Variants in SCMH1 observed in about 807,000 individuals in gnomAD.
The protein encoded by SCMH1 is polycomb protein SCMH1.
SCMH1 carries 37 observed loss-of-function variants against 70.8 expected under a neutral mutation model. That is an observed-to-expected ratio of 0.52 (90% CI 0.40 to 0.69). The LOEUF (loss-of-function observed/expected upper bound fraction) is 0.69. Among genes scored for constraint, SCMH1 ranks in the 30% least tolerant of loss-of-function variants. The probability of loss-of-function intolerance (pLI) is 0.00; values close to 1 mark genes in which losing one functional copy is unlikely to be tolerated. For synonymous variants in SCMH1, 292 were observed against 307.4 expected, an observed-to-expected ratio of 0.95 and a Z score of 0.52; for missense variants, 607 against 827.3, an observed-to-expected ratio of 0.73 and a Z score of 3.27.
At chr1:41,043,046 G>A (rs987591035) in intron 12 of SCMH1, 2 of 152,088 alleles carry the variant, frequency 1.3e-5, no homozygotes, top group Admixed American at 1.3e-4. Flanking sequence ...TGACAACTAG[G>A]GGAAATTCTA....
chr1:41,030,310 A>C (rs1217826315), intron 13 of SCMH1, among the ~76,000 whole-genome samples: 1 of 152,154 alleles, frequency 6.6e-6, no homozygotes, highest in East Asian at 1.9e-4. Context: ...TATGAAATGA[A>C]ATCTGAACTC....
chr1:41,111,876 T>C lies in SCMH1; in HGVS notation c.745+1407A>G, dbSNP rs374550120. ...ATTCTTCCTAAACAAGTTTCCCCTC[T>C]ACAAAGAACTTTTGTGAATGATAAA... On this transcript the variant is annotated intron_variant, in intron 8 of 14. Transcript: ENST00000337495. Among the ~76,000 whole-genome samples, 16 of 152,328 alleles carry C rather than the reference T, an allele frequency of 1.1e-4. No individual in the cohort carries two copies. The East Asian group carries it at 2.3e-3, about 22-fold the overall frequency.
chr1:41,100,308 A>G (rs775845841), intron 8 of SCMH1, among the ~76,000 whole-genome samples: 7 of 152,030 alleles, frequency 4.6e-5, no homozygotes, highest in Non-Finnish European at 8.8e-5. Flanking sequence ...TCTCGTCTCT[A>G]ACAACAACAA....
At chr1:41,156,067 A>G (rs917969706) in intron 4 of SCMH1, among the ~76,000 whole-genome samples, 2 of 151,182 alleles carry the variant, frequency 1.3e-5, no homozygotes, top group Non-Finnish European at 2.9e-5. Flanking sequence ...TGGGACACTC[A>G]TTATTTAGCT....
chr1:41,070,618 C>CCCCA lies in SCMH1; in HGVS notation c.1081_1082insTGGG (p.Ser361MetfsTer26). On this transcript the variant is annotated frameshift_variant, in exon 10 of 15. Coordinates refer to ENST00000337495, the Ensembl canonical transcript of SCMH1. LOFTEE classifies it high-confidence loss of function. Reference sequence around the variant, plus strand: ...ACCTGTTGGGGCCTGCATGGCTGAGCTGGGGATGGTGGCAGCATCCTGGGG... The same window carrying CCCCA: ...ACCTGTTGGGGCCTGCATGGCTGAGCCCCATGGGGATGGTGGCAGCATCCTGGGG... 4 of 1,614,056 alleles carry CCCCA rather than the reference C, an allele frequency of 2.5e-6. No homozygotes were observed. Among genetic ancestry groups the CCCCA allele is most frequent in the Non-Finnish European group, 3.4e-6 (4 of 1,179,980 alleles).
At chr1:41,165,864 GC>G (rs1646379074) in intron 2 of SCMH1, among the ~76,000 whole-genome samples, 2 of 151,878 alleles carry the variant, frequency 1.3e-5, no homozygotes, top group South Asian at 4.1e-4. Flanking sequence ...CCTTTTCTAT[GC>G]AGTAGCTTTT....
At chr1:41,169,827 C>A (rs1234030776) in intron 2 of SCMH1, among the ~76,000 whole-genome samples, 1 of 152,150 alleles carries the variant, frequency 6.6e-6, no homozygotes, top group Non-Finnish European at 1.5e-5. Context: ...TGCTTTTTTC[C>A]TGCAGAGGTC....
chr1:41,235,330 T>C (rs189801709), intron 1 of SCMH1, among the ~76,000 whole-genome samples: 11 of 151,826 alleles, frequency 7.2e-5, no homozygotes, highest in Admixed American at 6.6e-4. Context: ...AATATACATA[T>C]ATTTGGGAGG....
Position 41,161,349 on chromosome 1 carries a change from T to G in SCMH1, c.82+15A>C, listed in dbSNP as rs763305467. ...TAAAATTTTTCCACACCAAACGGAG[T>G]TTTTTCCCCCTTACCTTGATATTGG... On this transcript the variant is annotated intron_variant, in intron 3 of 14. Transcript: ENST00000337495. 1 of 1,546,384 alleles carries G rather than the reference T, an allele frequency of 6.5e-7. No individual in the cohort carries two copies. The highest frequency in any genetic ancestry group is 1.2e-5 in the South Asian group (1 of 83,060).
intron 9 of SCMH1, among the ~76,000 whole-genome samples, chr1:41,073,884 T>G (rs1310040503): frequency 6.6e-6 from 1 of 152,010 alleles, no homozygotes; most frequent in Non-Finnish European, 1.5e-5. Flanking sequence ...GAGGAATTAA[T>G]GAGATTGGGA....
At chr1:41,179,199 C>T (rs956136871) in intron 2 of SCMH1, among the ~76,000 whole-genome samples, 19 of 152,006 alleles carry the variant, frequency 1.2e-4, no homozygotes, top group African/African-American at 4.1e-4. Context: ...AGAACAAAGA[C>T]ACAACATACC....
At chr1:41,058,378 G>GTTTATT (rs1651270627) in intron 10 of SCMH1, among the ~76,000 whole-genome samples, 1 of 81,640 alleles carries the variant, frequency 1.2e-5, no homozygotes. Context: ...TTTCTTTCTT[G>GTTTATT]TTTTTTTTTT....
intron 1 of SCMH1, among the ~76,000 whole-genome samples, chr1:41,230,100 T>C (rs1233466941): frequency 6.6e-6 from 1 of 152,282 alleles, no homozygotes; most frequent in African/African-American, 2.4e-5. Context: ...AGGGAAAATA[T>C]CATTTGTATA....
intron 10 of SCMH1, among the ~76,000 whole-genome samples, chr1:41,053,905 C>T (rs1414825177): frequency 1.3e-5 from 2 of 151,656 alleles, no homozygotes; most frequent in Non-Finnish European, 2.9e-5. Context: ...AGTGCATTGG[C>T]GTGATCTCGG....
chr1:41,060,613 A>G (rs570229281), intron 10 of SCMH1, among the ~76,000 whole-genome samples: 1 of 152,246 alleles, frequency 6.6e-6, no homozygotes, highest in Non-Finnish European at 1.5e-5. Context: ...AGAAGAAAAA[A>G]GTAAAGACAA....
intron 12 of SCMH1, among the ~76,000 whole-genome samples, chr1:41,041,942 C>T (rs57050606): frequency 0.13 from 19,119 of 152,096 alleles, 1,289 homozygotes; most frequent in South Asian, 0.18. Flanking sequence ...AATACAATCT[C>T]CTGCTTAATA....
At chr1:41,097,082 T>G (rs1384799433) in intron 8 of SCMH1, among the ~76,000 whole-genome samples, 1 of 152,244 alleles carries the variant, frequency 6.6e-6, no homozygotes, top group Non-Finnish European at 1.5e-5. Flanking sequence ...TTAGTGTTCT[T>G]GAAGTAAAAT....
At chr1:41,159,695 T>C (rs2148414293) in intron 4 of SCMH1, 2 of 1,523,096 alleles carry the variant, frequency 1.3e-6, no homozygotes, top group Middle Eastern at 1.7e-4. Context: ...AAAAAATAAC[T>C]ATCATTTATC....
In SCMH1 at chr1:41,070,577, C is replaced by T; in HGVS notation, c.1105+18G>A. On this transcript the variant is annotated intron_variant, in intron 10 of 14. Transcript: ENST00000337495. ...GGTCTGGGGCTTGTGCGCAGGTAGT[C>T]CTGTCATCTGCTCTTACCTGTTGGG... The T allele has an allele frequency of 1.2e-6, 2 of 1,613,840 alleles. No individual in the cohort carries two copies. Among genetic ancestry groups the T allele is most frequent in the Middle Eastern group, 1.7e-4 (1 of 6,036 alleles).
Sources: gnomAD v4.1 joint callset for allele counts (sites outside exome capture counted in the v4.1 genomes callset) on GRCh38, gnomAD v4.1.1 for gene constraint, MANE v1.5 for transcripts, NCBI Gene and HGNC (gene_info 2026-07-23, HGNC 2026-07-21) for gene names.